ITGAM: variants seen among roughly 807,000 people sequenced by gnomAD.
The protein encoded by ITGAM is integrin alpha-M.
A neutral mutation model predicts 137.5 loss-of-function variants in ITGAM; 79 were observed. The observed-to-expected ratio is 0.57, with a 90% confidence interval of 0.48 to 0.69. The LOEUF (loss-of-function observed/expected upper bound fraction) is 0.69. Ranked by LOEUF, ITGAM falls within the 30% of genes least tolerant of loss-of-function variation. The pLI is 0.00. For missense variants in ITGAM, 1,343 were observed against 1,483.5 expected (o/e 0.91, Z 1.56); for synonymous variants, 583 against 592.3 (o/e 0.98, Z 0.23).
At position 31,260,033 on chromosome 16, in the gene ITGAM, C is replaced by A; in HGVS notation, c.-32C>A. ...TCAGTGGTGCCTGCAACCCCTGGTT[C>A]ACCTCCTTCCAGGTTCTGGCTCCTT... On this transcript the variant is annotated 5_prime_UTR_variant, in exon 1 of 30. Coordinates refer to ENST00000544665, the MANE Select transcript of ITGAM (RefSeq NM_000632.4). 1 of 1,575,152 alleles carries A rather than the reference C, an allele frequency of 6.3e-7. No individual in the cohort carries two copies. The highest frequency in any genetic ancestry group is 8.6e-7 in the Non-Finnish European group (1 of 1,159,076).
chr16:31,287,367 C>T (rs568393925), intron 12 of ITGAM, among the ~76,000 whole-genome samples: 14 of 151,948 alleles, frequency 9.2e-5, no homozygotes, highest in Admixed American at 2.6e-4. Flanking sequence ...TTTTTTGTTC[C>T]GTATTAATTT....
chr16:31,270,745 G>A (rs57015969), intron 5 of ITGAM, among the ~76,000 whole-genome samples: 227 of 58,888 alleles, frequency 3.9e-3, no homozygotes, highest in South Asian at 7.7e-3. Context: ...ATATATATAT[G>A]TTTTTAACGT....
intron 14 of ITGAM, among the ~76,000 whole-genome samples, chr16:31,320,119 C>T (rs1023561238): frequency 4.6e-5 from 7 of 152,136 alleles, no homozygotes; most frequent in African/African-American, 1.4e-4. Flanking sequence ...CCGCGTCTGA[C>T]CCTTTTTTTG....
intron 12 of ITGAM, among the ~76,000 whole-genome samples, chr16:31,285,399 G>A (rs1319342425): frequency 6.6e-6 from 1 of 152,110 alleles, no homozygotes; most frequent in Non-Finnish European, 1.5e-5. Context: ...TGAGGCAGGT[G>A]GATCACCTGA....
At position 31,324,763 on chromosome 16, in the gene ITGAM, A is replaced by G. The variant is rs765627696; in HGVS notation, c.2270A>G (p.Gln757Arg). Residue 757 changes from glutamine to arginine, a missense_variant, in exon 18 of 30, where the codon CAG (glutamine) becomes CGG (arginine). Transcript: ENST00000544665. The surrounding 1 kb of genome is among the most constrained non-coding windows in gnomAD (Gnocchi z 4.5). Reference sequence around the variant, plus strand: ...CGGCCAGTGCTGGCGGAGGATGCTCAGAGACTCTTCACAGCCTTGGTGAGT... The same window carrying G: ...CGGCCAGTGCTGGCGGAGGATGCTCGGAGACTCTTCACAGCCTTGGTGAGT... The part of the protein sequence containing the change: ...NLRPVLAEDA[Q>R]RLFTALFPFE... The G allele has an allele frequency of 6.4e-7, 1 of 1,571,856 alleles. No homozygotes were observed. The highest frequency in any genetic ancestry group is 1.4e-5 in the African/African-American group (1 of 73,526).
At chr16:31,321,121 A>G (rs939181839) in intron 14 of ITGAM, 120 bp from the exon 15 acceptor site, 11 of 1,120,486 alleles carry the variant, frequency 9.8e-6, no homozygotes, top group Non-Finnish European at 1.3e-5. Flanking sequence ...GGTTAGTTGC[A>G]AGAGATGAGA....
At chr16:31,261,229 G>T (rs1232672054) in intron 1 of ITGAM, among the ~76,000 whole-genome samples, 2 of 148,304 alleles carry the variant, frequency 1.3e-5, no homozygotes, top group South Asian at 2.1e-4. Flanking sequence ...TTGATACAGG[G>T]TCTTTCTCTG....
chr16:31,276,847 G>A, intron 10 of ITGAM, 73 bp from the exon 11 acceptor site: 1 of 1,587,152 alleles, frequency 6.3e-7, no homozygotes, highest in Non-Finnish European at 8.6e-7. Flanking sequence ...TAGATACTTG[G>A]GAAGTAGCTC....
intron 12 of ITGAM, among the ~76,000 whole-genome samples, chr16:31,279,709 G>A (rs1293894882): frequency 6.6e-6 from 1 of 152,164 alleles, no homozygotes; most frequent in Non-Finnish European, 1.5e-5. Context: ...TCTGATGGTA[G>A]TTTCTTTTGC....
Position 31,324,954 on chromosome 16 carries a change from A to G in ITGAM, c.2290-4A>G. 1 of 1,607,580 alleles carries G rather than the reference A, an allele frequency of 6.2e-7. No individual in the cohort carries two copies. The highest frequency in any genetic ancestry group is 8.5e-7 in the Non-Finnish European group (1 of 1,177,152). ...TTCATTTGATCATATTTATTTTTTA[A>G]AAGTTTCCCTTTGAGAAGAATTGTG... On this transcript the variant is annotated splice_polypyrimidine_tract_variant and splice_region_variant and intron_variant, in intron 18 of 29. Transcript: ENST00000544665. This position sits in a 1 kb window ranked among gnomAD's most constrained non-coding sequence, Gnocchi z 4.5.
chr16:31,326,835 C>A, intron 21 of ITGAM, 21 bp from the exon 22 acceptor site: 1 of 1,546,118 alleles, frequency 6.5e-7, no homozygotes, highest in Non-Finnish European at 8.9e-7. Context: ...CTGTCATTGT[C>A]TCTCCTTTCT....
Position 31,331,185 on chromosome 16 carries a change from G to C in ITGAM, c.3297G>C (p.Pro1099=), listed in dbSNP as rs1162183514. ...VRSQTETKVE[P]FEVPNPLPLI... is the part of the protein sequence containing the mutation. ...CCCAGACGGAGACCAAAGTGGAGCC[G>C]TTCGAGGTCCCCAACCCCCTGCCGC... The change falls in exon 29 of 30, where the codon CCG becomes CCC. Residue 1099 remains proline (P), a synonymous_variant. Coordinates refer to ENST00000544665, the MANE Select transcript of ITGAM (RefSeq NM_000632.4). 2 of 1,611,730 alleles carry C rather than the reference G, an allele frequency of 1.2e-6. No individual in the cohort carries two copies.
chr16:31,285,945 T>A (rs2074209378), intron 12 of ITGAM, among the ~76,000 whole-genome samples: 1 of 152,080 alleles, frequency 6.6e-6, no homozygotes, highest in South Asian at 2.1e-4. Context: ...ATGCTGAGAT[T>A]ACAGGTGTGA....
chr16:31,278,481 G>A (rs2079933963), intron 12 of ITGAM, among the ~76,000 whole-genome samples: 1 of 152,064 alleles, frequency 6.6e-6, no homozygotes, highest in African/African-American at 2.4e-5. Context: ...AGTCTCTGTG[G>A]GCTTCCCCAT....
chr16:31,331,877 G>C lies in ITGAM; in HGVS notation c.*170G>C. ...TGTATGTGCGTGTGTGCAAGTGTCT[G>C]TGTGCAAGTGTGTGCACATGTGTGC... On this transcript the variant is annotated 3_prime_UTR_variant, in exon 30 of 30. Transcript: ENST00000544665. 4 of 564,608 alleles carry C rather than the reference G, an allele frequency of 7.1e-6. No homozygotes were observed. The South Asian group carries it at 8.1e-5, about 11-fold the overall frequency. The allele number at this position is 564,608 out of a possible 1,614,324, so 35.0% of individuals were successfully genotyped here.
At chr16:31,261,946 T>A in intron 2 of ITGAM, 149 bp downstream of exon 2, 1 of 601,800 alleles carries the variant, frequency 1.7e-6, no homozygotes, top group Middle Eastern at 2.7e-4. Flanking sequence ...TACAGTATTC[T>A]AAATTCAAAA....
At position 31,265,706 on chromosome 16, in the gene ITGAM, C is replaced by G; in HGVS notation, c.239-105C>G. On this transcript the variant is annotated intron_variant, in intron 3 of 29. Transcript: ENST00000544665. ...CCCAAGATTTAGGATCCCCCTTCAC[C>G]GTCAGACCTCCTTGTCTCCCGCATG... 7.2e-6 allele frequency: 7 copies of G among 974,418 alleles called. No homozygotes were observed. The South Asian group carries it at 9.1e-5, about 13-fold the overall frequency. 60.4% of individuals were successfully genotyped at this position (974,418 alleles called of 1,614,324 possible). A position where few individuals can be genotyped will look rare whatever the true frequency, so the allele number is the denominator to read the frequency against.
At chr16:31,289,409 G>A (rs2080062754) in intron 12 of ITGAM, among the ~76,000 whole-genome samples, 1 of 152,128 alleles carries the variant, frequency 6.6e-6, no homozygotes, top group East Asian at 1.9e-4. Flanking sequence ...TATACACCAT[G>A]GAATACTATG....
chr16:31,290,963 AT>A (rs535303211), intron 12 of ITGAM, among the ~76,000 whole-genome samples: 129 of 152,326 alleles, frequency 8.5e-4, no homozygotes, highest in African/African-American at 2.9e-3. Flanking sequence ...AAAAAGTACC[AT>A]TTACAATAGC....
Sources: gnomAD v4.1 joint callset for allele counts (sites outside exome capture counted in the v4.1 genomes callset) on GRCh38, gnomAD v4.1.1 for gene constraint, Gnocchi (gnomAD v3.1) non-coding constraint, MANE v1.5 for transcripts, NCBI Gene and HGNC (gene_info 2026-07-23, HGNC 2026-07-21) for gene names.